CCDC80: variants seen among roughly 807,000 people sequenced by gnomAD.
CCDC80 encodes coiled-coil domain containing 80, also known as coiled-coil domain-containing protein 80.
Under a neutral mutation model 78.7 loss-of-function variants are expected in CCDC80, and 49 were observed. That is an observed-to-expected ratio of 0.62 (90% CI 0.50 to 0.79). CCDC80 has a LOEUF of 0.79. CCDC80 is among the 30% of genes least tolerant of loss of function. The pLI is 0.00. For synonymous variants in CCDC80, 488 were observed against 447.0 expected (o/e 1.09, Z -1.16); for missense variants, 1,205 against 1,198.6 (o/e 1.01, Z -0.08).
chr3:112,605,738 G>A lies in CCDC80; in HGVS notation c.2532C>T (p.Asp844=), dbSNP rs376490982. 6 of 1,613,854 alleles carry A rather than the reference G, an allele frequency of 3.7e-6. No homozygotes were observed. Among genetic ancestry groups the A allele is most frequent in the East Asian group, 4.5e-5 (2 of 44,896 alleles). Residue 844 remains aspartate (D), a synonymous_variant, in exon 8 of 8, where the codon GAC becomes GAT. Transcript: ENST00000206423. The part of the protein sequence containing the change: ...INGSSVVERE[D]VPAHLVKDIR... ...TGTCTTTCACCAAATGGGCTGGTAC[G>A]TCTTCTCGCTCAACAACAGAGCTCC...
intron 7 of CCDC80, among the ~76,000 whole-genome samples, chr3:112,606,898 G>T (rs1448580974): frequency 6.6e-6 from 1 of 151,964 alleles, no homozygotes; most frequent in Non-Finnish European, 1.5e-5. Flanking sequence ...GGACCTATAC[G>T]GACCCCCAAA....
chr3:112,611,920 G>T (rs114454015), intron 5 of CCDC80, among the ~76,000 whole-genome samples: 1,748 of 152,216 alleles, frequency 0.011, 32 homozygotes, highest in African/African-American at 0.039. Flanking sequence ...CCTCTTGAGG[G>T]AATAGTGGTT....
intron 2 of CCDC80, among the ~76,000 whole-genome samples, chr3:112,633,569 G>C (rs1428402617): frequency 6.6e-6 from 1 of 152,210 alleles, no homozygotes; most frequent in Non-Finnish European, 1.5e-5. Context: ...CGGTTATATA[G>C]ATCACCCTAG....
intron 2 of CCDC80, among the ~76,000 whole-genome samples, chr3:112,633,885 A>G (rs1281784511): frequency 6.6e-6 from 1 of 152,174 alleles, no homozygotes; most frequent in African/African-American, 2.4e-5. Context: ...TCCTCAGTAA[A>G]CACTATTTTC....
chr3:112,616,912 A>G, intron 4 of CCDC80, 54 bp from the exon 5 acceptor site: 8 of 1,568,278 alleles, frequency 5.1e-6, no homozygotes, highest in Non-Finnish European at 6.1e-6. Flanking sequence ...TCTTCTCTCT[A>G]TTCAGAGGAT....
At chr3:112,632,439 A>G (rs1936116837) in intron 2 of CCDC80, among the ~76,000 whole-genome samples, 1 of 152,190 alleles carries the variant, frequency 6.6e-6, no homozygotes, top group African/African-American at 2.4e-5. Flanking sequence ...GTTAGATGAC[A>G]GAAAATTATC....
rs1282797078 is a variant in CCDC80, at chr3:112,604,274, C to CA, written c.*1142_*1143insT. 1 of 152,170 alleles carries CA rather than the reference C, an allele frequency of 6.6e-6. No individual in the cohort carries two copies. The highest frequency in any genetic ancestry group is 2.4e-5 in the African/African-American group (1 of 41,430). 9.4% of individuals were successfully genotyped at this position (152,170 alleles called of 1,614,324 possible). A position where few individuals can be genotyped will look rare whatever the true frequency, so the allele number is the denominator to read the frequency against. ...AAATGCTATCATACAGCATCACATG[C>CA]TGCAGAGAAATCTTTCATGAAGAAA... On this transcript the variant is annotated 3_prime_UTR_variant, in exon 8 of 8. Transcript: ENST00000206423.
intron 3 of CCDC80, among the ~76,000 whole-genome samples, chr3:112,629,457 C>T (rs1277195545): frequency 1.3e-5 from 2 of 152,130 alleles, no homozygotes; most frequent in East Asian, 1.9e-4. Flanking sequence ...AATCTTGCAA[C>T]GTTCCCAGGA....
At chr3:112,635,415 TA>T (rs1936187189) in intron 2 of CCDC80, among the ~76,000 whole-genome samples, 1 of 152,212 alleles carries the variant, frequency 6.6e-6, no homozygotes, top group Non-Finnish European at 1.5e-5. Flanking sequence ...CCTTAATGAA[TA>T]GTAATTGAAT....
chr3:112,616,893 A>T, intron 4 of CCDC80, 35 bp from the exon 5 acceptor site: 1 of 1,604,368 alleles, frequency 6.2e-7, no homozygotes, highest in South Asian at 1.1e-5. Context: ...TTTAATGTAC[A>T]AGTGCATTTC....
At position 112,610,096 on chromosome 3, in the gene CCDC80, CA is replaced by C; in HGVS notation, c.2322-16del. The stretch of plus-strand genomic sequence containing the variant: ...TCCACCGGAACCTGGAAAAAAAAAG[CA>C]GGACACCATTACTGCTTACTGCTTC... On this transcript the variant is annotated splice_polypyrimidine_tract_variant and intron_variant, in intron 5 of 7. Transcript: ENST00000206423. The C allele has an allele frequency of 1.2e-6, 2 of 1,602,674 alleles. No homozygotes were observed. The highest frequency in any genetic ancestry group is 2.2e-5 in the South Asian group (2 of 90,726).
rs768393978 is a variant in CCDC80 at position 112,638,006 on chromosome 3, T to G, written c.1878+22A>C. The G allele has an allele frequency of 4.4e-6, 7 of 1,574,578 alleles. No homozygotes were observed. In the South Asian group the frequency reaches 8.4e-5, roughly 19 times the overall value. On this transcript the variant is annotated intron_variant, in intron 2 of 7. Coordinates refer to ENST00000206423, the MANE Select transcript of CCDC80 (RefSeq NM_199511.3). ...TGCCCTGCCTCAGCCCATAGAAGAA[T>G]GCCAAGGAGAAGGCTACTTACAAGG...
At position 112,607,158 on chromosome 3, in the gene CCDC80, A is replaced by C; in HGVS notation, c.2506+18T>G. On this transcript the variant is annotated intron_variant, in intron 7 of 7. Coordinates refer to ENST00000206423, the MANE Select transcript of CCDC80 (RefSeq NM_199511.3). The stretch of plus-strand genomic sequence containing the variant: ...ACTTAACACTAGTTCATACTGTTTC[A>C]AGATAACAACACATTACCATTAATT... 6.3e-7 allele frequency: 1 copy of C among 1,577,132 alleles called. No homozygotes were observed.
intron 5 of CCDC80, among the ~76,000 whole-genome samples, chr3:112,611,688 G>A (rs1171795442): frequency 1.3e-5 from 2 of 152,190 alleles, no homozygotes; most frequent in Non-Finnish European, 2.9e-5. Flanking sequence ...CTGCAAGAGG[G>A]TATAAAAAGA....
rs533725192 is a variant in CCDC80 at position 112,601,442 on chromosome 3, A to G, written c.*3975T>C. On this transcript the variant is annotated 3_prime_UTR_variant, in exon 8 of 8. Coordinates refer to ENST00000206423, the MANE Select transcript of CCDC80 (RefSeq NM_199511.3). ...GAGGATGGTGCCATCATGATGCTAA[A>G]TGCCTATCTGAGGGGAAGCTCATAA... 16 of 152,332 alleles carry G rather than the reference A, an allele frequency of 1.1e-4. No homozygotes were observed. The highest frequency in any genetic ancestry group is 9.2e-4 in the Admixed American group (14 of 15,294). 9.4% of individuals were successfully genotyped at this position (152,332 alleles called of 1,614,324 possible).
chr3:112,639,676 C>T lies in CCDC80; in HGVS notation c.230G>A (p.Arg77Lys). ...TAGTCTCAACACGGGCACACTCCTCCTTCTCTGGAGAGGCTGAAGGTTTGG... is the reference window on the plus strand; with the variant it reads ...TAGTCTCAACACGGGCACACTCCTCTTTCTCTGGAGAGGCTGAAGGTTTGG... ...EEPNLQPLQR[R>K]RSVPVLRLAR... Residue 77 changes from arginine to lysine, a missense_variant, in exon 2 of 8, where the codon AGG (arginine) becomes AAG (lysine). By Grantham distance (26) the Arg-to-Lys change is conservative (BLOSUM62 2). Coordinates refer to ENST00000206423, the MANE Select transcript of CCDC80 (RefSeq NM_199511.3). 1 of 1,614,192 alleles carries T rather than the reference C, an allele frequency of 6.2e-7. No homozygotes were observed. Among genetic ancestry groups the T allele is most frequent in the Non-Finnish European group, 8.5e-7 (1 of 1,180,040 alleles).
At position 112,600,098 on chromosome 3, in the gene CCDC80, C is replaced by CAAGTCAA. The variant is rs1935348399; in HGVS notation, c.*5318_*5319insTTGACTT. ...CAGATTTGAAACTACCTAGTTTATA[C>CAAGTCAA]TACCAGAAGACAGAGATTCAGGTTA... On this transcript the variant is annotated 3_prime_UTR_variant, in exon 8 of 8. Transcript: ENST00000206423. The CAAGTCAA allele has an allele frequency of 1.3e-5, 2 of 152,218 alleles. No individual in the cohort carries two copies. Among genetic ancestry groups the CAAGTCAA allele is most frequent in the East Asian group, 3.8e-4 (2 of 5,196 alleles). The allele number at this position is 152,218 out of a possible 1,614,324, so 9.4% of individuals were successfully genotyped here.
chr3:112,616,892 C>T (rs1299113657), intron 4 of CCDC80, 34 bp from the exon 5 acceptor site: 2 of 1,601,012 alleles, frequency 1.2e-6, no homozygotes, highest in Non-Finnish European at 8.5e-7. Flanking sequence ...ATTTAATGTA[C>T]AAGTGCATTT....
rs768633315 is a variant in CCDC80, at chr3:112,639,042, G to T, written c.864C>A (p.Gly288=). Residue 288 remains glycine, a synonymous_variant, in exon 2 of 8, where the codon GGC becomes GGA. Transcript: ENST00000206423. ...VQKCKASGVE[G]QVVAEGNDGG... ...CGTCATTCCCCTCCGCCACCACCTG[G>T]CCCTCTACACCAGAGGCCTTACATT... 6.2e-7 allele frequency: 1 copy of T among 1,611,246 alleles called. No homozygotes were observed. Among genetic ancestry groups the T allele is most frequent in the South Asian group, 1.1e-5 (1 of 91,032 alleles).
Sources: allele counts gnomAD v4.1 joint callset (sites outside exome capture counted in the v4.1 genomes callset), GRCh38; gene constraint gnomAD v4.1.1; transcripts MANE v1.5; gene names NCBI Gene and HGNC (gene_info 2026-07-23, HGNC 2026-07-21).